Variants in MED25 observed in about 807,000 individuals in gnomAD.
MED25 encodes the protein mediator of RNA polymerase II transcription subunit 25.
MED25 carries 62 observed loss-of-function variants against 89.4 expected under a neutral mutation model. The observed-to-expected ratio is 0.69, with a 90% confidence interval of 0.57 to 0.86. MED25 has a LOEUF of 0.86. MED25 is among the 40% of genes least tolerant of loss of function. MED25 has a pLI of 0.00. For missense variants in MED25, 905 were observed against 1,005.2 expected (o/e 0.90, Z 1.35); for synonymous variants, 449 against 427.9 (o/e 1.05, Z -0.61).
rs1180641809 is a variant in MED25, at chr19:49,818,856, C to T, written c.180+240C>T. The T allele has an allele frequency of 7.7e-5, 45 of 587,122 alleles. 1 individual carries two copies. Among genetic ancestry groups the T allele is most frequent in the Non-Finnish European group, 1.1e-4 (36 of 333,264 alleles). The allele number at this position is 587,122 out of a possible 1,614,324, so 36.4% of individuals were successfully genotyped here. A position where few individuals can be genotyped will look rare whatever the true frequency, so the allele number is the denominator to read the frequency against. ...GAGGAGGGAGCTAGGGGCCCAGATC[C>T]CTGGGTCTGAGGGAGGAAGGGCTGG... On this transcript the variant is annotated intron_variant, in intron 2 of 17. Transcript: ENST00000312865.
At chr19:49,819,372 G>C in intron 3 of MED25, 76 bp downstream of exon 3, 2 of 1,574,226 alleles carry the variant, frequency 1.3e-6, no homozygotes, top group Non-Finnish European at 1.7e-6. Flanking sequence ...TGGGGTGGTT[G>C]GTGTCCCCGT....
downstream of MED25, among the ~76,000 whole-genome samples, chr19:49,837,346 G>T (rs1200220047): frequency 6.6e-6 from 1 of 152,268 alleles, no homozygotes; most frequent in Admixed American, 6.5e-5. Flanking sequence ...ATACTCAAAG[G>T]CAGGAGGAAG....
In MED25 at chr19:49,835,608, G is replaced by A; in HGVS notation, c.1746+3G>A. ...AAGCCAGGCCCTCACAGAATCTGGT[G>A]AGGACAGGGCTGGCGGGGTCGGGGC... On this transcript the variant is annotated splice_donor_region_variant and intron_variant, in intron 15 of 17. Transcript: ENST00000312865. The surrounding 1 kb of genome is among the most constrained non-coding windows in gnomAD (Gnocchi z 6.2). 1 of 1,560,388 alleles carries A rather than the reference G, an allele frequency of 6.4e-7. No homozygotes were observed. The highest frequency in any genetic ancestry group is 8.7e-7 in the Non-Finnish European group (1 of 1,152,640).
chr19:49,824,398 T>C (rs2074001805), intron 3 of MED25, among the ~76,000 whole-genome samples: 1 of 152,000 alleles, frequency 6.6e-6, no homozygotes, highest in Admixed American at 6.6e-5. Context: ...ATAAATGAAT[T>C]AGTATGTAAT....
chr19:49,829,760 A>G lies in MED25; in HGVS notation c.526-26A>G. The G allele has an allele frequency of 6.4e-7, 1 of 1,568,558 alleles. No homozygotes were observed. The highest frequency in any genetic ancestry group is 8.6e-7 in the Non-Finnish European group (1 of 1,157,012). ...AACACCCTTATGGAGGGGGCCCGTC[A>G]TGACTGCTCGGCCCCTCTCCTACAG... is the stretch of plus-strand genomic sequence containing the variant. On this transcript the variant is annotated intron_variant, in intron 5 of 17. Coordinates refer to ENST00000312865, the MANE Select transcript of MED25 (RefSeq NM_030973.4). This position sits in a 1 kb window ranked among gnomAD's most constrained non-coding sequence, Gnocchi z 4.6.
Position 49,829,082 on chromosome 19 carries a change from A to G in MED25, c.517A>G (p.Ile173Val), listed in dbSNP as rs755457408. The G allele has an allele frequency of 1.2e-6, 2 of 1,613,628 alleles. No individual in the cohort carries two copies. Among genetic ancestry groups the G allele is most frequent in the Non-Finnish European group, 1.7e-6 (2 of 1,179,800 alleles). Residue 173 changes from isoleucine (I) to valine (V), a missense_variant, in exon 5 of 18, where the codon ATT becomes GTT. Around this residue, in one of 3 missense-constraint regions of MED25, gnomAD observed 501 missense variants for 526.9 expected, o/e 0.95. Coordinates refer to ENST00000312865, the MANE Select transcript of MED25 (RefSeq NM_030973.4). The surrounding 1 kb of genome is among the most constrained non-coding windows in gnomAD (Gnocchi z 4.6). ...CACAACTGAGAATCTTGTGCAGCAG[A>G]TTGGGGAGGTGAGGACTCCAGGGTC... is the stretch of plus-strand genomic sequence containing the variant. ...GCTTENLVQQ[I>V]GERGIHFSIV...
At position 49,835,691 on chromosome 19, in the gene MED25, G is replaced by GC. The variant is rs952012015; in HGVS notation, c.1747-33dup. The GC allele has an allele frequency of 4.4e-6, 7 of 1,597,374 alleles. No individual in the cohort carries two copies. The African/African-American group carries it at 9.4e-5, about 21-fold the overall frequency. On this transcript the variant is annotated intron_variant, in intron 15 of 17. Coordinates refer to ENST00000312865, the MANE Select transcript of MED25 (RefSeq NM_030973.4). This position sits in a 1 kb window ranked among gnomAD's most constrained non-coding sequence, Gnocchi z 6.2. ...GCCTGCAGAAGGGGCGTGAGGCCCT[G>GC]CCCATCTCCCTCACCCCTGTGTCTC... is the stretch of plus-strand genomic sequence containing the variant.
intron 3 of MED25, among the ~76,000 whole-genome samples, chr19:49,821,396 T>G (rs1439632318): frequency 1.3e-5 from 2 of 152,162 alleles, no homozygotes; most frequent in Admixed American, 6.5e-5. Context: ...CAAGCGATCC[T>G]CCCATCTCAG....
In MED25 at chr19:49,830,272, C is replaced by A; in HGVS notation, c.819+54C>A. ...TTCTGGGGACTTGCTGGAGCCCTGGCCCCTGGGGAGAAATCTAGTTGCATG... is the reference window on the plus strand; with the variant it reads ...TTCTGGGGACTTGCTGGAGCCCTGGACCCTGGGGAGAAATCTAGTTGCATG... On this transcript the variant is annotated intron_variant, in intron 7 of 17. Transcript: ENST00000312865. This position sits in a 1 kb window ranked among gnomAD's most constrained non-coding sequence, Gnocchi z 4.6. The A allele has an allele frequency of 1.3e-6, 2 of 1,571,642 alleles. No individual in the cohort carries two copies. The highest frequency in any genetic ancestry group is 1.7e-6 in the Non-Finnish European group (2 of 1,150,988).
chr19:49,821,765 G>A lies in MED25; in HGVS notation c.305+2469G>A, dbSNP rs557393467. Among the ~76,000 whole-genome samples, 968 of 143,102 alleles carry A rather than the reference G, an allele frequency of 6.8e-3. 3 individuals carry two copies. The highest frequency in any genetic ancestry group is 9.8e-3 in the Non-Finnish European group (642 of 65,712). 93.9% of individuals were successfully genotyped at this position (143,102 alleles called of 152,430 possible). On this transcript the variant is annotated intron_variant, in intron 3 of 17. Coordinates refer to ENST00000312865, the MANE Select transcript of MED25 (RefSeq NM_030973.4). ...TGGGAGGTGGAGGTTGCAGTGAGCC[G>A]AGATCACACCATTGCACTCCAGCCT...
chr19:49,824,478 A>G (rs190637304), intron 3 of MED25, among the ~76,000 whole-genome samples: 22 of 152,086 alleles, frequency 1.4e-4, no homozygotes, highest in Non-Finnish European at 2.8e-4. Context: ...CCAGCTACTC[A>G]GGAGGCTGAG....
Position 49,832,359 on chromosome 19 carries a change from A to G in MED25, c.1426A>G (p.Thr476Ala). ...RNSRMVQFHF[T>A]NKDLESLKGL... ...CTCAAGGATGGTCCAGTTCCATTTCACCAACAAGGACCTGGAGTCTCTCAA... is the reference window on the plus strand; with the variant it reads ...CTCAAGGATGGTCCAGTTCCATTTCGCCAACAAGGACCTGGAGTCTCTCAA... Residue 476 changes from threonine to alanine, a missense_variant, in exon 13 of 18, where the codon ACC (threonine) becomes GCC (alanine). By Grantham distance (58) the Thr-to-Ala change is moderately conservative. Transcript: ENST00000312865. The G allele has an allele frequency of 6.2e-7, 1 of 1,611,354 alleles. No individual in the cohort carries two copies. The highest frequency in any genetic ancestry group is 8.5e-7 in the Non-Finnish European group (1 of 1,178,748).
chr19:49,833,355 G>C (rs1273085776), intron 13 of MED25: 1 of 152,322 alleles, frequency 6.6e-6, no homozygotes, highest in Non-Finnish European at 1.5e-5. Flanking sequence ...TGATCTGCCT[G>C]CCTCGGCCTC....
rs564179706 is a variant in MED25 at position 49,828,561 on chromosome 19, C to G, written c.404+14C>G. On this transcript the variant is annotated intron_variant, in intron 4 of 17. Coordinates refer to ENST00000312865, the MANE Select transcript of MED25 (RefSeq NM_030973.4). ...GCGCGAGCAGATGTGAGTGCCCCCT[C>G]CACCCAGGCCGGGCCGGTCTCTCTC... 1.2e-6 allele frequency: 2 copies of G among 1,601,078 alleles called. No individual in the cohort carries two copies. The highest frequency in any genetic ancestry group is 2.2e-5 in the East Asian group (1 of 44,836).
chr19:49,818,316 T>G lies in MED25; in HGVS notation c.-26T>G. 1 of 1,568,580 alleles carries G rather than the reference T, an allele frequency of 6.4e-7. No homozygotes were observed. Among genetic ancestry groups the G allele is most frequent in the Non-Finnish European group, 8.6e-7 (1 of 1,156,264 alleles). The stretch of plus-strand genomic sequence containing the variant: ...TCCGCGGCGTCGGCTGCGGCTGCAG[T>G]GGTGGTGGCGGGTACCGCACGGGGT... On this transcript the variant is annotated 5_prime_UTR_variant, in exon 1 of 18. Coordinates refer to ENST00000312865, the MANE Select transcript of MED25 (RefSeq NM_030973.4).
chr19:49,819,697 G>T (rs926953828), intron 3 of MED25: 22 of 344,384 alleles, frequency 6.4e-5, no homozygotes, highest in African/African-American at 4.3e-4. Flanking sequence ...CTCCCTGTGT[G>T]ATTGTCCCCT....
chr19:49,826,862 A>G (rs2074019157), intron 3 of MED25, among the ~76,000 whole-genome samples: 1 of 152,126 alleles, frequency 6.6e-6, no homozygotes, highest in African/African-American at 2.4e-5. Context: ...AGGTGCGGGC[A>G]TGGAGCAGGA....
chr19:49,833,247 C>G (rs925134078), intron 13 of MED25: 1 of 152,400 alleles, frequency 6.6e-6, no homozygotes, highest in African/African-American at 2.4e-5. Flanking sequence ...GCTGGGATTA[C>G]AGGCATGTGC....
At chr19:49,826,425 G>A (rs1020624413) in intron 3 of MED25, among the ~76,000 whole-genome samples, 3 of 152,148 alleles carry the variant, frequency 2.0e-5, no homozygotes, top group African/African-American at 7.2e-5. Context: ...TGCCCTGAGA[G>A]CAGGAAGAAG....
Sources: allele counts gnomAD v4.1 joint callset (sites outside exome capture counted in the v4.1 genomes callset), GRCh38; gene constraint gnomAD v4.1.1; regional missense constraint gnomAD v4.1.1; non-coding constraint Gnocchi (gnomAD v3.1); transcripts MANE v1.5; gene names NCBI Gene and HGNC (gene_info 2026-07-23, HGNC 2026-07-21).